The following LHFPL3 variants were observed in gnomAD, a reference collection of about 807,000 sequenced individuals.
The protein encoded by LHFPL3 is LHFPL tetraspan subfamily member 3.
A neutral mutation model predicts 19.3 loss-of-function variants in LHFPL3; 5 were observed. That is an observed-to-expected ratio of 0.26 (90% CI 0.14 to 0.54). The LOEUF is 0.54. Among genes scored for constraint, LHFPL3 ranks in the 20% least tolerant of loss-of-function variants. The pLI is 0.94. For synonymous variants in LHFPL3, 133 were observed against 126.2 expected (o/e 1.05, Z -0.36); for missense variants, 249 against 307.4 (o/e 0.81, Z 1.42).
intron 1 of LHFPL3, among the ~76,000 whole-genome samples, chr7:104,609,973 C>T (rs924613539): frequency 7.2e-5 from 11 of 152,176 alleles, no homozygotes; most frequent in African/African-American, 2.7e-4. Context: ...GTTTCAAGAA[C>T]ACCTTTTCTC....
intron 1 of LHFPL3, among the ~76,000 whole-genome samples, chr7:104,519,719 A>G (rs1024330455): frequency 2.0e-5 from 3 of 152,118 alleles, no homozygotes; most frequent in Non-Finnish European, 4.4e-5. Flanking sequence ...TGTTTTGACT[A>G]TTAACACTGT....
intron 2 of LHFPL3, among the ~76,000 whole-genome samples, chr7:104,752,436 A>T (rs1428304990): frequency 6.9e-6 from 1 of 145,678 alleles, no homozygotes; most frequent in Admixed American, 6.9e-5. Context: ...CAATCATTCC[A>T]TACTGTAAGT....
chr7:104,844,989 C>G (rs183634464), intron 2 of LHFPL3, among the ~76,000 whole-genome samples: 79 of 152,372 alleles, frequency 5.2e-4, no homozygotes, highest in Non-Finnish European at 9.1e-4. Flanking sequence ...ATCCGCCTGC[C>G]TTAGCCTCCC....
chr7:104,801,829 C>T (rs1361534610), intron 2 of LHFPL3, among the ~76,000 whole-genome samples: 1 of 152,172 alleles, frequency 6.6e-6, no homozygotes, highest in African/African-American at 2.4e-5. Flanking sequence ...TTCAGCCTCC[C>T]AAAGTGCTGG....
chr7:104,815,092 G>GC (rs1239432580), intron 2 of LHFPL3, among the ~76,000 whole-genome samples: 5 of 152,106 alleles, frequency 3.3e-5, no homozygotes, highest in Non-Finnish European at 5.9e-5. Context: ...ACTCCCGCCT[G>GC]CCCCCCAACC....
At chr7:104,567,101 A>G (rs1274257355) in intron 1 of LHFPL3, among the ~76,000 whole-genome samples, 1 of 152,250 alleles carries the variant, frequency 6.6e-6, no homozygotes, top group Non-Finnish European at 1.5e-5. Context: ...TCAGCTTTAT[A>G]TCAAACGAAG....
At chr7:104,533,776 G>C (rs1328270755) in intron 1 of LHFPL3, among the ~76,000 whole-genome samples, 1 of 152,190 alleles carries the variant, frequency 6.6e-6, no homozygotes, top group South Asian at 2.1e-4. Flanking sequence ...ATCTCTGCTA[G>C]TTTCGTGATC....
intron 1 of LHFPL3, among the ~76,000 whole-genome samples, chr7:104,384,141 C>T (rs761217155): frequency 2.0e-4 from 31 of 152,128 alleles, no homozygotes; most frequent in Non-Finnish European, 3.7e-4. Context: ...TTAAATAACA[C>T]CAACTACTGG....
At chr7:104,718,943 G>T (rs905384921) in intron 1 of LHFPL3, among the ~76,000 whole-genome samples, 3 of 152,110 alleles carry the variant, frequency 2.0e-5, no homozygotes, top group African/African-American at 7.2e-5. Flanking sequence ...TGGTGATCCT[G>T]TTCATATGGA....
chr7:104,486,305 G>A (rs1362446285), intron 1 of LHFPL3, among the ~76,000 whole-genome samples: 1 of 152,006 alleles, frequency 6.6e-6, no homozygotes, highest in Non-Finnish European at 1.5e-5. Context: ...TTACTCATTT[G>A]TACTTTCTGC....
At chr7:104,865,818 C>A (rs1465566789) in intron 2 of LHFPL3, among the ~76,000 whole-genome samples, 1 of 152,060 alleles carries the variant, frequency 6.6e-6, no homozygotes, top group Non-Finnish European at 1.5e-5. Flanking sequence ...TTAAGGGCAG[C>A]CAGAGAAAAA....
At chr7:104,508,559 T>C (rs1378302013) in intron 1 of LHFPL3, among the ~76,000 whole-genome samples, 1 of 151,480 alleles carries the variant, frequency 6.6e-6, no homozygotes, top group Non-Finnish European at 1.5e-5. Context: ...TGTATACATA[T>C]GTAACTAACC....
At chr7:104,533,235 T>C (rs540615930) in intron 1 of LHFPL3, among the ~76,000 whole-genome samples, 1 of 152,318 alleles carries the variant, frequency 6.6e-6, no homozygotes, top group South Asian at 2.1e-4. Context: ...TCTGAAACTC[T>C]CTTCTCCACT....
intron 1 of LHFPL3, among the ~76,000 whole-genome samples, chr7:104,535,501 A>G (rs1584386714): frequency 1.3e-5 from 2 of 152,226 alleles, no homozygotes; most frequent in South Asian, 2.1e-4. Context: ...ACCCACTTCA[A>G]TAAATCCTTG....
At chr7:104,339,729 C>A (rs571485632) in intron 1 of LHFPL3, among the ~76,000 whole-genome samples, 16 of 152,320 alleles carry the variant, frequency 1.1e-4, no homozygotes, top group Admixed American at 2.6e-4. Flanking sequence ...CCTCGTCAAG[C>A]ATACTTATGT....
intron 2 of LHFPL3, among the ~76,000 whole-genome samples, chr7:104,764,607 A>C (rs117581894): frequency 6.6e-6 from 1 of 152,082 alleles, no homozygotes; most frequent in Non-Finnish European, 1.5e-5. Flanking sequence ...TTAGTAACTT[A>C]ATAATCCATA....
intron 1 of LHFPL3, among the ~76,000 whole-genome samples, chr7:104,346,299 G>A (rs1790063446): frequency 6.6e-6 from 1 of 150,384 alleles, no homozygotes; most frequent in African/African-American, 2.5e-5. Flanking sequence ...GCCTCCCAAA[G>A]TGTTATTCCA....
intron 1 of LHFPL3, among the ~76,000 whole-genome samples, chr7:104,391,547 T>C (rs1225820414): frequency 6.6e-6 from 1 of 152,212 alleles, no homozygotes; most frequent in Non-Finnish European, 1.5e-5. Flanking sequence ...GGTCTATATC[T>C]CTGTTTTGGT....
chr7:104,528,982 G>A (rs1562926699), intron 1 of LHFPL3, among the ~76,000 whole-genome samples: 1 of 152,120 alleles, frequency 6.6e-6, no homozygotes, highest in East Asian at 1.9e-4. Flanking sequence ...TAGAAACTCA[G>A]TTTCTTCTAG....
Sources: allele counts gnomAD v4.1 joint callset (sites outside exome capture counted in the v4.1 genomes callset), GRCh38; gene constraint gnomAD v4.1.1; transcripts MANE v1.5; gene names NCBI Gene and HGNC (gene_info 2026-07-23, HGNC 2026-07-21).